The following ADCY2 variants were observed in gnomAD, a reference collection of about 807,000 sequenced individuals.
ADCY2 encodes adenylate cyclase type 2.
ADCY2 carries 31 observed loss-of-function variants against 125.2 expected under a neutral mutation model. That is an observed-to-expected ratio of 0.25 (90% CI 0.19 to 0.33). The LOEUF (loss-of-function observed/expected upper bound fraction) is 0.33. ADCY2 is among the 10% of genes least tolerant of loss of function. The pLI is 1.00. For missense variants in ADCY2, 904 were observed against 1,418.2 expected (o/e 0.64, Z 5.82); for synonymous variants, 512 against 548.4 (o/e 0.93, Z 0.93).
chr5:7,542,053 C>G (rs747838305), intron 3 of ADCY2, among the ~76,000 whole-genome samples: 3 of 152,150 alleles, frequency 2.0e-5, no homozygotes, highest in Non-Finnish European at 4.4e-5. Context: ...ACACTCTACA[C>G]AGAAGGACAT....
At chr5:7,626,404 T>C in intron 4 of ADCY2, 88 bp downstream of exon 4, 5 of 1,425,550 alleles carry the variant, frequency 3.5e-6, no homozygotes, top group South Asian at 1.4e-5. Flanking sequence ...CGTTCATTCA[T>C]TCATGAGCTT....
intron 14 of ADCY2, among the ~76,000 whole-genome samples, chr5:7,734,290 C>T (rs144471612): frequency 6.3e-4 from 96 of 152,208 alleles, no homozygotes; most frequent in African/African-American, 1.7e-3. Flanking sequence ...TAATACATTT[C>T]GTAGGCTTTT....
chr5:7,536,241 G>T (rs1734807393), intron 3 of ADCY2, among the ~76,000 whole-genome samples: 1 of 152,230 alleles, frequency 6.6e-6, no homozygotes, highest in Non-Finnish European at 1.5e-5. Flanking sequence ...CCTTTATGGG[G>T]TGGAAGTCCT....
At chr5:7,562,881 G>A (rs527440205) in intron 3 of ADCY2, among the ~76,000 whole-genome samples, 2 of 152,242 alleles carry the variant, frequency 1.3e-5, no homozygotes, top group East Asian at 1.9e-4. Flanking sequence ...AACCACCTTT[G>A]TAGGGCAATA....
At chr5:7,455,269 G>A (rs116813316) in intron 2 of ADCY2, among the ~76,000 whole-genome samples, 2,036 of 152,320 alleles carry the variant, frequency 0.013, 16 homozygotes, top group Non-Finnish European at 0.021. Flanking sequence ...TGTTAGTAAA[G>A]AGAGGCTAGA....
chr5:7,622,265 A>G (rs1737977619), intron 3 of ADCY2, among the ~76,000 whole-genome samples: 1 of 152,222 alleles, frequency 6.6e-6, no homozygotes, highest in African/African-American at 2.4e-5. Flanking sequence ...TGCATGCATC[A>G]TTTTAAAATA....
At chr5:7,406,657 T>G (rs1355851851) in intron 1 of ADCY2, among the ~76,000 whole-genome samples, 3 of 152,232 alleles carry the variant, frequency 2.0e-5, no homozygotes, top group Non-Finnish European at 2.9e-5. Flanking sequence ...ACATTTGAAC[T>G]GAATATTTGG....
At chr5:7,661,723 T>C in intron 4 of ADCY2, among the ~76,000 whole-genome samples, 1 of 152,240 alleles carries the variant, frequency 6.6e-6, no homozygotes, top group East Asian at 1.9e-4. Flanking sequence ...CTGATGTCAA[T>C]CAGTTCTTGA....
At chr5:7,654,191 A>G (rs1184194825) in intron 4 of ADCY2, 3 of 454,332 alleles carry the variant, frequency 6.6e-6, no homozygotes, top group East Asian at 1.4e-4. Context: ...GCGAGAGGAA[A>G]GCCAGGTGAG....
intron 2 of ADCY2, among the ~76,000 whole-genome samples, chr5:7,422,312 A>T (rs1294181103): frequency 6.6e-6 from 1 of 151,762 alleles, no homozygotes; most frequent in African/African-American, 2.4e-5. Flanking sequence ...AAGTGTTGGG[A>T]TTGCAAATGT....
chr5:7,415,220 T>G (rs1561012610), intron 2 of ADCY2, among the ~76,000 whole-genome samples: 1 of 152,236 alleles, frequency 6.6e-6, no homozygotes. Context: ...AATAGATCAC[T>G]GAATCTTATT....
At chr5:7,825,298 T>A (rs562816292) in intron 24 of ADCY2, among the ~76,000 whole-genome samples, 1 of 152,114 alleles carries the variant, frequency 6.6e-6, no homozygotes, top group African/African-American at 2.4e-5. Flanking sequence ...ATGACAACGC[T>A]GCTGTGCGCC....
chr5:7,816,290 G>T (rs150969231), intron 22 of ADCY2, among the ~76,000 whole-genome samples: 1 of 152,210 alleles, frequency 6.6e-6, no homozygotes, highest in Non-Finnish European at 1.5e-5. Context: ...GCCACCCGGG[G>T]CAGTAGCCCT....
chr5:7,764,623 G>A (rs1178331042), intron 16 of ADCY2, among the ~76,000 whole-genome samples: 2 of 152,206 alleles, frequency 1.3e-5, no homozygotes, highest in Admixed American at 1.3e-4. Flanking sequence ...CTAAAAATAT[G>A]CAGTGTTCAT....
At chr5:7,407,491 G>A (rs948696902) in intron 1 of ADCY2, among the ~76,000 whole-genome samples, 2 of 152,092 alleles carry the variant, frequency 1.3e-5, no homozygotes, top group African/African-American at 2.4e-5. Context: ...GAGAGAGAGC[G>A]AGCAATGGGG....
intron 3 of ADCY2, among the ~76,000 whole-genome samples, chr5:7,558,366 A>G (rs1378973841): frequency 6.6e-6 from 1 of 152,018 alleles, no homozygotes; most frequent in Non-Finnish European, 1.5e-5. Context: ...TTTACTTTTT[A>G]ATAATAGCCA....
At chr5:7,781,826 A>G (rs1393109374) in intron 18 of ADCY2, among the ~76,000 whole-genome samples, 10 of 152,012 alleles carry the variant, frequency 6.6e-5, no homozygotes. Flanking sequence ...CCTTCTCACC[A>G]CCTTTCTCAT....
chr5:7,418,645 C>CTCTTTTTTTTTTTTTTTTTTT (rs1160037097), intron 2 of ADCY2, among the ~76,000 whole-genome samples: 1 of 92,508 alleles, frequency 1.1e-5, no homozygotes, highest in African/African-American at 5.1e-5. Context: ...AGTCTACCTT[C>CTCTTTTTTTTTTTTTTTTTTT]TGTTTTTTTT....
intron 15 of ADCY2, chr5:7,749,605 A>G (rs1742737770): frequency 6.6e-6 from 1 of 152,224 alleles, no homozygotes. Context: ...TCTATGATAA[A>G]TACAAGAGAG....
Sources: allele counts gnomAD v4.1 joint callset (sites outside exome capture counted in the v4.1 genomes callset), GRCh38; gene constraint gnomAD v4.1.1; transcripts MANE v1.5; gene names NCBI Gene and HGNC (gene_info 2026-07-23, HGNC 2026-07-21).